PADI6: variants seen among roughly 807,000 people sequenced by gnomAD.
The protein encoded by PADI6 is inactive protein-arginine deiminase type-6.
PADI6 carries 66 observed loss-of-function variants against 78.2 expected under a neutral mutation model. That is an observed-to-expected ratio of 0.84 (90% CI 0.69 to 1.04). The LOEUF (loss-of-function observed/expected upper bound fraction) is 1.04, where lower values mean the gene tolerates loss of function less well. Ranked by LOEUF, PADI6 falls within the 50% of genes least tolerant of loss-of-function variation. The pLI, the probability that PADI6 is intolerant of heterozygous loss-of-function variation, is 0.00. For missense variants in PADI6, 854 were observed against 866.1 expected (o/e 0.99, Z 0.18); for synonymous variants, 397 against 346.9 (o/e 1.14, Z -1.60).
At chr1:17,381,287 G>A (rs903784341) in intron 5 of PADI6, 123 bp downstream of exon 5, 1 of 762,896 alleles carries the variant, frequency 1.3e-6, no homozygotes, top group Non-Finnish European at 2.1e-6. Context: ...CAGTCCCCAT[G>A]CCTGGGCTGA....
chr1:17,388,952 C>T, intron 8 of PADI6, 72 bp downstream of exon 8: 1 of 1,243,942 alleles, frequency 8.0e-7, no homozygotes, highest in East Asian at 2.4e-5. Flanking sequence ...ATATGCAGGG[C>T]AGGGTGGGTG....
chr1:17,388,502 C>T lies in PADI6; in HGVS notation c.801C>T (p.Ala267=), dbSNP rs377047780. 6.6e-5 allele frequency: 106 copies of T among 1,613,492 alleles called. 1 individual carries two copies. Among genetic ancestry groups the T allele is most frequent in the African/African-American group, 2.3e-4 (17 of 74,924 alleles). The stretch of plus-strand genomic sequence containing the variant: ...TTGAAGCTATAGCATTCCCATCTGC[C>T]GAATTCTCAGGCCTCATCTCCTACT... ...FYVEAIAFPS[A]EFSGLISYSV... is the part of the protein sequence containing the mutation. Residue 267 remains alanine, a synonymous_variant, in exon 7 of 16, where the codon GCC becomes GCT. Transcript: ENST00000619609.
At chr1:17,377,366 C>T (rs12563231) in intron 3 of PADI6, among the ~76,000 whole-genome samples, 18,891 of 152,072 alleles carry the variant, frequency 0.12, 1,468 homozygotes, top group East Asian at 0.27. Flanking sequence ...TCTCAGAACC[C>T]TTTGGAGCTC....
At chr1:17,396,580 A>C (rs1287290260) in intron 13 of PADI6, among the ~76,000 whole-genome samples, 1 of 152,198 alleles carries the variant, frequency 6.6e-6, no homozygotes, top group African/African-American at 2.4e-5. Context: ...TGGTCATAGA[A>C]GCACCATGGA....
chr1:17,388,039 C>T (rs182206385), intron 6 of PADI6, among the ~76,000 whole-genome samples: 4 of 152,294 alleles, frequency 2.6e-5, no homozygotes, highest in Admixed American at 6.5e-5. Flanking sequence ...CTGATATTAT[C>T]GCAGGAGTTG....
chr1:17,397,193 T>TC, intron 14 of PADI6, 52 bp downstream of exon 14: 1 of 1,601,562 alleles, frequency 6.2e-7, no homozygotes, highest in South Asian at 1.1e-5. Context: ...GTGCCGCAGG[T>TC]CTTGCAGGAA....
At chr1:17,395,780 G>A (rs752214181) in intron 13 of PADI6, 117 bp downstream of exon 13, 2 of 1,341,478 alleles carry the variant, frequency 1.5e-6, no homozygotes, top group Non-Finnish European at 2.0e-6. Flanking sequence ...CACAGAAGCT[G>A]TTGGAATTGC....
intron 8 of PADI6, among the ~76,000 whole-genome samples, chr1:17,390,391 G>A (rs2100312293): frequency 6.6e-6 from 1 of 152,018 alleles, no homozygotes; most frequent in Non-Finnish European, 1.5e-5. Context: ...CCTGAGGTCA[G>A]GAGTTCAAGA....
chr1:17,379,809 G>T, intron 3 of PADI6, 111 bp from the exon 4 acceptor site: 1 of 846,404 alleles, frequency 1.2e-6, no homozygotes, highest in Non-Finnish European at 1.9e-6. Context: ...ATGCCAGAAA[G>T]GCTAGATGCC....
chr1:17,394,170 G>A, intron 10 of PADI6, 88 bp downstream of exon 10: 2 of 1,537,974 alleles, frequency 1.3e-6, no homozygotes, highest in African/African-American at 1.5e-5. Flanking sequence ...CAAGTGGGGA[G>A]AGGGCCCAGG....
chr1:17,379,619 CAAGT>C (rs2075053378), intron 3 of PADI6, among the ~76,000 whole-genome samples: 1 of 152,122 alleles, frequency 6.6e-6, no homozygotes, highest in Non-Finnish European at 1.5e-5. Context: ...GTAGACTTTG[CAAGT>C]AAGAATCACT....
chr1:17,388,815 G>A lies in PADI6; in HGVS notation c.897G>A (p.Val299=), dbSNP rs754955525. 10 of 1,613,844 alleles carry A rather than the reference G, an allele frequency of 6.2e-6. No homozygotes were observed. Among genetic ancestry groups the A allele is most frequent in the Non-Finnish European group, 8.5e-6 (10 of 1,179,846 alleles). Residue 299 remains valine, a synonymous_variant, in exon 8 of 16, where the codon GTG becomes GTA. Coordinates refer to ENST00000619609, the MANE Select transcript of PADI6 (RefSeq NM_207421.4). ...CTGTGCTGTACAAAGACACGGTGGTGTTCCGGGTGGCTCCCTGTGTCTTCA... is the reference window on the plus strand; with the variant it reads ...CTGTGCTGTACAAAGACACGGTGGTATTCCGGGTGGCTCCCTGTGTCTTCA... ...PETVLYKDTV[V]FRVAPCVFIP...
At chr1:17,389,587 A>C (rs1037105217) in intron 8 of PADI6, among the ~76,000 whole-genome samples, 9 of 152,326 alleles carry the variant, frequency 5.9e-5, no homozygotes, top group Admixed American at 2.0e-4. Flanking sequence ...ACATGCCAAA[A>C]TCCTGAACAC....
intron 9 of PADI6, among the ~76,000 whole-genome samples, chr1:17,392,765 G>A (rs1310197226): frequency 6.6e-6 from 1 of 152,176 alleles, no homozygotes; most frequent in Non-Finnish European, 1.5e-5. Flanking sequence ...GACCAAATGA[G>A]GCAGTTTAAG....
intron 6 of PADI6, among the ~76,000 whole-genome samples, chr1:17,382,307 C>T (rs1363088924): frequency 6.6e-6 from 1 of 152,206 alleles, no homozygotes; most frequent in Non-Finnish European, 1.5e-5. Flanking sequence ...GTTATTGCAC[C>T]TCTAAGCCAC....
intron 2 of PADI6, among the ~76,000 whole-genome samples, chr1:17,374,532 T>C (rs2074996350): frequency 6.6e-6 from 1 of 152,162 alleles, no homozygotes; most frequent in Admixed American, 6.5e-5. Flanking sequence ...AGGCTGAGGC[T>C]GGAGAATCGC....
chr1:17,374,818 G>A (rs2074999463), intron 2 of PADI6, among the ~76,000 whole-genome samples: 1 of 152,100 alleles, frequency 6.6e-6, no homozygotes, highest in Non-Finnish European at 1.5e-5. Context: ...TCTGGCCAAT[G>A]GTTGGGTCTC....
chr1:17,391,543 C>T (rs2075184181), intron 8 of PADI6, among the ~76,000 whole-genome samples: 2 of 152,212 alleles, frequency 1.3e-5, no homozygotes, highest in African/African-American at 4.8e-5. Flanking sequence ...TAACATCAGC[C>T]TCACACACTG....
At position 17,401,513 on chromosome 1, in the gene PADI6, GC is replaced by G; in HGVS notation, c.*78del. On this transcript the variant is annotated 3_prime_UTR_variant, in exon 16 of 16. Coordinates refer to ENST00000619609, the MANE Select transcript of PADI6 (RefSeq NM_207421.4). Reference sequence around the variant, plus strand: ...TCACCATGCAACAGCATGATTCTTTGCCCAGTAGAGGAGGCTGGAGAGTCCA... The same window carrying G: ...TCACCATGCAACAGCATGATTCTTTGCCAGTAGAGGAGGCTGGAGAGTCCA... 2.2e-6 allele frequency: 3 copies of G among 1,342,284 alleles called. No individual in the cohort carries two copies. The Admixed American group carries it at 6.0e-5, about 27-fold the overall frequency. The allele number at this position is 1,342,284 out of a possible 1,614,324, so 83.1% of individuals were successfully genotyped here. A position where few individuals can be genotyped will look rare whatever the true frequency, so the allele number is the denominator to read the frequency against.
Sources: gnomAD v4.1 joint callset for allele counts (sites outside exome capture counted in the v4.1 genomes callset) on GRCh38, gnomAD v4.1.1 for gene constraint, MANE v1.5 for transcripts, NCBI Gene and HGNC (gene_info 2026-07-23, HGNC 2026-07-21) for gene names.